SUPT3H: variants seen among roughly 807,000 people sequenced by gnomAD.
SUPT3H encodes the protein SPT3 homolog, SAGA and STAGA complex component, also known as transcription initiation protein SPT3 homolog.
In SUPT3H, 44 loss-of-function variants were observed where a neutral mutation model predicts 44.3. The ratio of observed to expected loss-of-function variants is 0.99; its 90% CI spans 0.78 to 1.28. SUPT3H has a LOEUF of 1.28. Among genes scored for constraint, SUPT3H ranks in the 50% most tolerant of loss-of-function variants. The pLI, the probability that SUPT3H is intolerant of heterozygous loss-of-function variation, is 0.00. For synonymous variants in SUPT3H, 124 were observed against 125.6 expected (o/e 0.99, Z 0.09); for missense variants, 380 against 387.1 (o/e 0.98, Z 0.15).
intron 2 of SUPT3H, among the ~76,000 whole-genome samples, chr6:45,239,030 C>T (rs920641575): frequency 3.3e-5 from 5 of 152,096 alleles, no homozygotes; most frequent in Admixed American, 2.6e-4. Flanking sequence ...TATTCTGGAT[C>T]GAAAGGTAAA....
At chr6:44,857,057 A>G (rs1432186430) in intron 10 of SUPT3H, among the ~76,000 whole-genome samples, 5 of 152,220 alleles carry the variant, frequency 3.3e-5, no homozygotes, top group African/African-American at 1.2e-4. Context: ...GCTCAACAGT[A>G]AGCAGTCTTT....
intron 10 of SUPT3H, among the ~76,000 whole-genome samples, chr6:44,877,037 G>T (rs1466574640): frequency 6.6e-6 from 1 of 152,114 alleles, no homozygotes; most frequent in Admixed American, 6.5e-5. Context: ...TATGTCTAGT[G>T]TATTTCTATA....
intron 2 of SUPT3H, among the ~76,000 whole-genome samples, chr6:45,233,880 T>C (rs1015216449): frequency 6.6e-6 from 1 of 152,184 alleles, no homozygotes; most frequent in Non-Finnish European, 1.5e-5. Context: ...TAGAACAGTA[T>C]GACTAAAACT....
chr6:45,076,486 G>C (rs978086848), intron 3 of SUPT3H, among the ~76,000 whole-genome samples: 1 of 143,926 alleles, frequency 6.9e-6, no homozygotes, highest in African/African-American at 2.5e-5. Flanking sequence ...TTATCATAAA[G>C]AATATACTAC....
intron 2 of SUPT3H, among the ~76,000 whole-genome samples, chr6:45,122,109 C>T (rs1801765430): frequency 6.6e-6 from 1 of 151,336 alleles, no homozygotes; most frequent in Admixed American, 6.6e-5. Context: ...AAAGAAAATG[C>T]AAAATTAATC....
At chr6:45,026,583 T>C (rs1006782932) in intron 3 of SUPT3H, among the ~76,000 whole-genome samples, 50 of 152,134 alleles carry the variant, frequency 3.3e-4, no homozygotes, top group Non-Finnish European at 7.4e-5. Context: ...ATACTATAAA[T>C]TTTATGACAG....
chr6:45,062,146 G>GATGC (rs1160487473), intron 3 of SUPT3H, among the ~76,000 whole-genome samples: 2 of 151,728 alleles, frequency 1.3e-5, no homozygotes, highest in African/African-American at 4.8e-5. Context: ...AAAGGATACA[G>GATGC]ATGCCTCTTT....
intron 2 of SUPT3H, among the ~76,000 whole-genome samples, chr6:45,243,211 A>AAAAAAAAAAAAAAG: frequency 6.7e-6 from 1 of 150,360 alleles, no homozygotes; most frequent in African/African-American, 2.4e-5. Flanking sequence ...AAAAAAAAAA[A>AAAAAAAAAAAAAAG]AAAAAAAAAG....
chr6:45,269,234 T>TA (rs2153660941), intron 2 of SUPT3H, among the ~76,000 whole-genome samples: 2 of 152,314 alleles, frequency 1.3e-5, no homozygotes, highest in South Asian at 4.1e-4. Context: ...CAAAATTAAA[T>TA]AGTTTCCTTA....
intron 4 of SUPT3H, among the ~76,000 whole-genome samples, chr6:45,017,717 G>C (rs1366629101): frequency 9.2e-4 from 134 of 146,204 alleles, no homozygotes; most frequent in Non-Finnish European, 1.6e-3. Context: ...CTCTGTTTTG[G>C]TACCAGTACC....
chr6:45,212,878 G>A (rs1212720402), intron 2 of SUPT3H, among the ~76,000 whole-genome samples: 1 of 152,120 alleles, frequency 6.6e-6, no homozygotes, highest in East Asian at 1.9e-4. Context: ...ATGGATGGAT[G>A]CATTTACATG....
At chr6:45,239,364 TA>T (rs1260554445) in intron 2 of SUPT3H, among the ~76,000 whole-genome samples, 1 of 152,252 alleles carries the variant, frequency 6.6e-6, no homozygotes, top group Non-Finnish European at 1.5e-5. Context: ...TATCTAATGC[TA>T]CACACTTTCA....
chr6:45,055,393 T>G (rs1252247299), intron 3 of SUPT3H, among the ~76,000 whole-genome samples: 1 of 152,060 alleles, frequency 6.6e-6, no homozygotes, highest in Admixed American at 6.6e-5. Context: ...ACAAATCTGG[T>G]GGCAACACAG....
chr6:45,131,103 C>T (rs1324497339), intron 2 of SUPT3H, among the ~76,000 whole-genome samples: 1 of 152,084 alleles, frequency 6.6e-6, no homozygotes, highest in East Asian at 1.9e-4. Flanking sequence ...GCTATCCTCT[C>T]CATGATCCTG....
chr6:45,121,283 C>T (rs1350750573), intron 2 of SUPT3H, among the ~76,000 whole-genome samples: 2 of 152,060 alleles, frequency 1.3e-5, no homozygotes, highest in African/African-American at 4.8e-5. Context: ...GAGAACGTCC[C>T]ATTTTTTTCT....
chr6:45,278,704 C>A (rs1410101346), intron 2 of SUPT3H, among the ~76,000 whole-genome samples: 2 of 152,138 alleles, frequency 1.3e-5, no homozygotes, highest in African/African-American at 2.4e-5. Flanking sequence ...CAAAGCACTA[C>A]AATTTATAAG....
At chr6:45,085,246 C>A (rs533803259) in intron 3 of SUPT3H, among the ~76,000 whole-genome samples, 4 of 152,246 alleles carry the variant, frequency 2.6e-5, no homozygotes, top group Admixed American at 2.0e-4. Context: ...TGTCTCCCAA[C>A]ACAGGTTTAA....
Position 45,235,939 on chromosome 6 carries a change from G to A in SUPT3H, c.101+129262C>T, listed in dbSNP as rs561802870. Among the ~76,000 whole-genome samples, 22 of 152,262 alleles carry A rather than the reference G, an allele frequency of 1.4e-4. 1 individual carries two copies. The South Asian group carries it at 3.5e-3, about 24-fold the overall frequency. The stretch of plus-strand genomic sequence containing the variant: ...CTAAACCACAAATAATGGCATGAGC[G>A]ATCTGTGCCTTAAGGACATGTTTCT... On this transcript the variant is annotated intron_variant, in intron 2 of 10. Transcript: ENST00000371459.
intron 10 of SUPT3H, among the ~76,000 whole-genome samples, chr6:44,840,482 A>T (rs142396329): frequency 6.6e-6 from 1 of 152,320 alleles, no homozygotes; most frequent in African/African-American, 2.4e-5. Context: ...AAAAAGCAAA[A>T]GAAATATAGT....
Sources: allele counts gnomAD v4.1 joint callset (sites outside exome capture counted in the v4.1 genomes callset), GRCh38; gene constraint gnomAD v4.1.1; transcripts MANE v1.5; gene names NCBI Gene and HGNC (gene_info 2026-07-23, HGNC 2026-07-21).